TTF2: variants seen among roughly 807,000 people sequenced by gnomAD.
TTF2 encodes the protein RNA polymerase II termination factor.
In TTF2, 108 loss-of-function variants were observed where a neutral mutation model predicts 142.4. That is an observed-to-expected ratio of 0.76 (90% confidence interval 0.65 to 0.89). The LOEUF (loss-of-function observed/expected upper bound fraction) is 0.89. Among genes scored for constraint, TTF2 ranks in the 40% least tolerant of loss-of-function variants. The pLI is 0.00. For synonymous variants in TTF2, 483 were observed against 506.2 expected, an observed-to-expected ratio of 0.95 and a Z score of 0.61; for missense variants, 1,327 against 1,379.8, an observed-to-expected ratio of 0.96 and a Z score of 0.61.
At chr1:117,088,742 C>A (rs1393811499) in intron 12 of TTF2, 59 bp from the exon 13 acceptor site, 11 of 1,570,532 alleles carry the variant, frequency 7.0e-6, no homozygotes, top group South Asian at 1.2e-5. Context: ...CCCCTTGTGT[C>A]CTTAAGGACA....
At chr1:117,074,493 A>G (rs978892940) in intron 4 of TTF2, among the ~76,000 whole-genome samples, 11 of 152,188 alleles carry the variant, frequency 7.2e-5, no homozygotes, top group South Asian at 6.2e-4. Context: ...TAGACGTGGA[A>G]ATGGTACCAA....
Position 117,100,862 on chromosome 1 carries a change from G to A in TTF2, c.3345-518G>A, listed in dbSNP as rs1649533440. On this transcript the variant is annotated intron_variant, in intron 22 of 22. Coordinates refer to ENST00000369466, the MANE Select transcript of TTF2 (RefSeq NM_003594.4). This position sits in a 1 kb window ranked among gnomAD's most constrained non-coding sequence, Gnocchi z 4.6. ...TTTGTCTCGCTTTTGTTCTGCTTTG[G>A]AGCAAGACTATATTCATCTCTCCAT... Among the ~76,000 whole-genome samples, 1 of 152,110 alleles carries A rather than the reference G, an allele frequency of 6.6e-6. No individual in the cohort carries two copies. Among genetic ancestry groups the A allele is most frequent in the Non-Finnish European group, 1.5e-5 (1 of 68,024 alleles).
rs984390989 is a variant in TTF2 at position 117,097,821 on chromosome 1, G to C, written c.3269+388G>C. On this transcript the variant is annotated intron_variant, in intron 21 of 22. Transcript: ENST00000369466. The surrounding 1 kb of genome is among the most constrained non-coding windows in gnomAD (Gnocchi z 4.1). Reference sequence around the variant, plus strand: ...GGAAATTTCAACCTTTGAAAAGAGGGAGAAGCATTACTCCAAAAAGAAAAG... The same window carrying C: ...GGAAATTTCAACCTTTGAAAAGAGGCAGAAGCATTACTCCAAAAAGAAAAG... Among the ~76,000 whole-genome samples, 8 of 152,140 alleles carry C rather than the reference G, an allele frequency of 5.3e-5. No individual in the cohort carries two copies. The highest frequency in any genetic ancestry group is 8.8e-5 in the Non-Finnish European group (6 of 68,026).
At position 117,075,270 on chromosome 1, in the gene TTF2, T is replaced by A; in HGVS notation, c.686T>A (p.Leu229His). Residue 229 changes from leucine to histidine, a missense_variant, in exon 5 of 23, where the codon CTT (leucine) becomes CAT (histidine). By Grantham distance (99) the Leu-to-His change is moderately conservative. Transcript: ENST00000369466. The surrounding 1 kb of genome is among the most constrained non-coding windows in gnomAD (Gnocchi z 4.5). Reference sequence around the variant, plus strand: ...TCTCAACAGTGCCAAGGTAATGAGCTTACAAGACCATCTGCATCTTCTCAG... The same window carrying A: ...TCTCAACAGTGCCAAGGTAATGAGCATACAAGACCATCTGCATCTTCTCAG... Reference protein sequence around the residue: ...IKSQQCQGNELTRPSASSQEK... With the variant: ...IKSQQCQGNEHTRPSASSQEK... The A allele has an allele frequency of 6.2e-7, 1 of 1,614,174 alleles. No individual in the cohort carries two copies.
intron 7 of TTF2, among the ~76,000 whole-genome samples, chr1:117,077,238 A>G (rs957690001): frequency 6.6e-6 from 1 of 152,170 alleles, no homozygotes; most frequent in Non-Finnish European, 1.5e-5. Flanking sequence ...TTGTGCCCAC[A>G]TGAGGGGAGA....
chr1:117,083,989 C>T (rs1557818442), intron 10 of TTF2, 29 bp from the exon 11 acceptor site: 1 of 1,612,986 alleles, frequency 6.2e-7, no homozygotes, highest in Non-Finnish European at 8.5e-7. Flanking sequence ...GTGAATGTAA[C>T]TAGGCACTGA....
At chr1:117,064,109 C>T (rs1283522177) in intron 3 of TTF2, among the ~76,000 whole-genome samples, 1 of 152,142 alleles carries the variant, frequency 6.6e-6, no homozygotes, top group Non-Finnish European at 1.5e-5. Flanking sequence ...TAAAGTATAA[C>T]TTTGGAGATC....
Position 117,075,807 on chromosome 1 carries a change from C to G in TTF2, c.1223C>G (p.Ser408Ter), listed in dbSNP as rs908309154. Reference protein sequence around the residue: ...ASGVSKKVEPSDPVARRVYLT... With the variant: ...ASGVSKKVEP Reference sequence around the variant, plus strand: ...GGTGTTTCCAAGAAGGTAGAACCCTCAGACCCAGTAGCCCGGCGTGTCTAC... The same window carrying G: ...GGTGTTTCCAAGAAGGTAGAACCCTGAGACCCAGTAGCCCGGCGTGTCTAC... Residue 408 changes from serine (S) to a stop codon, truncating the protein, a stop_gained, in exon 5 of 23, where the codon TCA becomes TGA. Coordinates refer to ENST00000369466, the MANE Select transcript of TTF2 (RefSeq NM_003594.4). LOFTEE classifies it high-confidence loss of function. The surrounding 1 kb of genome is among the most constrained non-coding windows in gnomAD (Gnocchi z 4.5). The G allele has an allele frequency of 1.2e-6, 2 of 1,613,874 alleles. No individual in the cohort carries two copies. The highest frequency in any genetic ancestry group is 2.7e-5 in the African/African-American group (2 of 74,912).
chr1:117,086,645 G>T lies in TTF2; in HGVS notation c.2160+123G>T. 3.0e-6 allele frequency: 2 copies of T among 666,488 alleles called. No individual in the cohort carries two copies. 41.3% of individuals were successfully genotyped at this position (666,488 alleles called of 1,614,324 possible). A position where few individuals can be genotyped will look rare whatever the true frequency, so the allele number is the denominator to read the frequency against. On this transcript the variant is annotated intron_variant, in intron 12 of 22. Transcript: ENST00000369466. This position sits in a 1 kb window ranked among gnomAD's most constrained non-coding sequence, Gnocchi z 4.2. Reference sequence around the variant, plus strand: ...AGGTCAGGAATGCTGTAAATGATCCGCATGTGGAAAGGAATTGTTCTTTCC... The same window carrying T: ...AGGTCAGGAATGCTGTAAATGATCCTCATGTGGAAAGGAATTGTTCTTTCC...
chr1:117,084,301 C>A, intron 11 of TTF2, 133 bp downstream of exon 11: 1 of 1,139,690 alleles, frequency 8.8e-7, no homozygotes, highest in South Asian at 1.5e-5. Flanking sequence ...GATCTTTAGT[C>A]TCGTCACCAT....
chr1:117,060,910 G>C (rs1029927133), intron 2 of TTF2, among the ~76,000 whole-genome samples: 3 of 152,194 alleles, frequency 2.0e-5, no homozygotes, highest in Non-Finnish European at 4.4e-5. Flanking sequence ...AAAGGAGTAA[G>C]GACACACAGC....
At chr1:117,066,618 C>T (rs1270939758) in intron 3 of TTF2, among the ~76,000 whole-genome samples, 1 of 150,594 alleles carries the variant, frequency 6.6e-6, no homozygotes, top group Non-Finnish European at 1.5e-5. Flanking sequence ...TTACGTTAAG[C>T]AGGACAAGGA....
chr1:117,060,667 G>C, intron 2 of TTF2, 110 bp downstream of exon 2: 1 of 1,102,500 alleles, frequency 9.1e-7, no homozygotes, highest in Non-Finnish European at 1.3e-6. Context: ...TGGGGCCCTA[G>C]TTTGCGGTGT....
rs1454142249 is a variant in TTF2, at chr1:117,105,333, T to C, written c.*3809T>C. On this transcript the variant is annotated 3_prime_UTR_variant, in exon 23 of 23. Coordinates refer to ENST00000369466, the MANE Select transcript of TTF2 (RefSeq NM_003594.4). The surrounding 1 kb of genome is among the most constrained non-coding windows in gnomAD (Gnocchi z 4.7). ...ATTGACTTCATGGAAGGTATGTAGT[T>C]TGACTTTGCCTTAGCCATGTTGATC... 1.3e-5 allele frequency: 2 copies of C among 152,204 alleles called. No homozygotes were observed. The highest frequency in any genetic ancestry group is 2.9e-5 in the Non-Finnish European group (2 of 68,058). The allele number at this position is 152,204 out of a possible 1,614,324, so 9.4% of individuals were successfully genotyped here. A position where few individuals can be genotyped will look rare whatever the true frequency, so the allele number is the denominator to read the frequency against.
chr1:117,088,351 C>T (rs2101111823), intron 12 of TTF2, among the ~76,000 whole-genome samples: 1 of 152,232 alleles, frequency 6.6e-6, no homozygotes, highest in Non-Finnish European at 1.5e-5. Context: ...TCCTGGCTAA[C>T]ACGATGAAAC....
intron 3 of TTF2, among the ~76,000 whole-genome samples, chr1:117,071,445 A>G (rs1656568449): frequency 6.6e-6 from 1 of 152,224 alleles, no homozygotes; most frequent in South Asian, 2.1e-4. Context: ...CCATTTGTGT[A>G]GAGGAGGAAG....
Position 117,090,431 on chromosome 1 carries a change from C to T in TTF2, c.2497-101C>T. 8.1e-7 allele frequency: 1 copy of T among 1,227,718 alleles called. No homozygotes were observed. The highest frequency in any genetic ancestry group is 1.2e-6 in the Non-Finnish European group (1 of 857,676). 76.1% of individuals were successfully genotyped at this position (1,227,718 alleles called of 1,614,324 possible). Reference sequence around the variant, plus strand: ...TCTAAGAAAGGGTGGAAGCTGCATTCCAGGGTTGACTAGATATGCAGTGTC... The same window carrying T: ...TCTAAGAAAGGGTGGAAGCTGCATTTCAGGGTTGACTAGATATGCAGTGTC... On this transcript the variant is annotated intron_variant, in intron 14 of 22. Transcript: ENST00000369466. The surrounding 1 kb of genome is among the most constrained non-coding windows in gnomAD (Gnocchi z 4.8).
At chr1:117,061,641 AT>A (rs1319526971) in intron 2 of TTF2, among the ~76,000 whole-genome samples, 4 of 152,172 alleles carry the variant, frequency 2.6e-5, no homozygotes, top group Admixed American at 2.6e-4. Context: ...AGATAGAAGC[AT>A]TTTTACCTTT....
At position 117,060,576 on chromosome 1, in the gene TTF2, C is replaced by G. The variant is rs756890536; in HGVS notation, c.131+19C>G. On this transcript the variant is annotated intron_variant, in intron 2 of 22. Transcript: ENST00000369466. Reference sequence around the variant, plus strand: ...CCACCGAGTAGGTCTGGAGCTGGGCCCCACTCCCTGTGGCTGCCCGGGGCC... The same window carrying G: ...CCACCGAGTAGGTCTGGAGCTGGGCGCCACTCCCTGTGGCTGCCCGGGGCC... 6.3e-6 allele frequency: 10 copies of G among 1,584,528 alleles called. No individual in the cohort carries two copies. The South Asian group carries it at 1.1e-4, about 18-fold the overall frequency.
Sources: gnomAD v4.1 joint callset for allele counts (sites outside exome capture counted in the v4.1 genomes callset) on GRCh38, gnomAD v4.1.1 for gene constraint, Gnocchi (gnomAD v3.1) non-coding constraint, MANE v1.5 for transcripts, NCBI Gene and HGNC (gene_info 2026-07-23, HGNC 2026-07-21) for gene names.